EYS: variants seen among roughly 807,000 people sequenced by gnomAD.
EYS encodes EGF-like photoreceptor maintenance factor.
A neutral mutation model predicts 282.1 loss-of-function variants in EYS; 250 were observed. The ratio of observed to expected loss-of-function variants is 0.89; its 90% CI spans 0.80 to 0.98. The LOEUF (loss-of-function observed/expected upper bound fraction) is 0.98, where lower values mean the gene tolerates loss of function less well. Among genes scored for constraint, EYS ranks in the 50% least tolerant of loss-of-function variants. EYS has a pLI of 0.00. For synonymous variants in EYS, 1,355 were observed against 1,282.9 expected, an observed-to-expected ratio of 1.06 and a Z score of -1.20; for missense variants, 4,016 against 3,709.0, an observed-to-expected ratio of 1.08 and a Z score of -2.15.
At chr6:65,512,989 A>G (rs576352318) in intron 2 of EYS, among the ~76,000 whole-genome samples, 5 of 152,332 alleles carry the variant, frequency 3.3e-5, no homozygotes, top group African/African-American at 9.6e-5. Context: ...CAAAAAATTA[A>G]TGAATCCACA....
intron 26 of EYS, among the ~76,000 whole-genome samples, chr6:64,551,576 G>T (rs1217846347): frequency 5.2e-5 from 7 of 133,792 alleles, no homozygotes; most frequent in African/African-American, 2.0e-4. Flanking sequence ...CTGCTGTGTT[G>T]CCCAGGCTAG....
At chr6:65,500,336 T>A (rs1185993453) in intron 2 of EYS, among the ~76,000 whole-genome samples, 1 of 152,034 alleles carries the variant, frequency 6.6e-6, no homozygotes, top group East Asian at 1.9e-4. Flanking sequence ...GTATCTCAAA[T>A]TATCCTTGCA....
chr6:65,656,441 T>C (rs76110513), intron 1 of EYS, among the ~76,000 whole-genome samples: 1 of 151,912 alleles, frequency 6.6e-6, no homozygotes, highest in African/African-American at 2.4e-5. Flanking sequence ...AGTGAACGTA[T>C]GAATGATAAA....
intron 31 of EYS, among the ~76,000 whole-genome samples, chr6:64,221,884 GGT>G (rs996673341): frequency 2.2e-4 from 34 of 152,092 alleles, no homozygotes; most frequent in African/African-American, 7.0e-4. Flanking sequence ...TATTATTTGA[GGT>G]TTCAGGCATC....
chr6:64,256,095 A>C (rs1023750493), intron 30 of EYS, among the ~76,000 whole-genome samples: 1 of 152,068 alleles, frequency 6.6e-6, no homozygotes, highest in African/African-American at 2.4e-5. Flanking sequence ...TTCTCTAAGT[A>C]TCATGAATAT....
intron 41 of EYS, among the ~76,000 whole-genome samples, chr6:63,758,103 A>G (rs1769537948): frequency 2.0e-5 from 3 of 152,014 alleles, no homozygotes; most frequent in Non-Finnish European, 2.9e-5. Context: ...GGATTTTGCT[A>G]TGTTGCCCAG....
chr6:65,092,755 C>T (rs77007547), intron 12 of EYS, among the ~76,000 whole-genome samples: 3,900 of 152,184 alleles, frequency 0.026, 180 homozygotes, highest in African/African-American at 0.09. Context: ...GAAGATCTAA[C>T]ACAGGTCATT....
At chr6:64,990,424 T>A (rs1248755857) in intron 14 of EYS, among the ~76,000 whole-genome samples, 2 of 151,642 alleles carry the variant, frequency 1.3e-5, no homozygotes, top group Non-Finnish European at 3.0e-5. Context: ...ATGAGTCCCA[T>A]TTATAGTTAT....
At chr6:64,530,870 C>A (rs1393852446) in intron 26 of EYS, among the ~76,000 whole-genome samples, 2 of 152,050 alleles carry the variant, frequency 1.3e-5, no homozygotes, top group Non-Finnish European at 2.9e-5. Context: ...TGAGTACATC[C>A]TTTCCAGATC....
chr6:65,678,150 G>C (rs972630993), intron 1 of EYS, among the ~76,000 whole-genome samples: 4 of 151,950 alleles, frequency 2.6e-5, no homozygotes, highest in Non-Finnish European at 4.4e-5. Flanking sequence ...AGGGGATGTG[G>C]GGTACCACGC....
chr6:64,495,060 T>C (rs9451766), intron 26 of EYS, among the ~76,000 whole-genome samples: 3,258 of 151,796 alleles, frequency 0.021, 60 homozygotes, highest in African/African-American at 0.053. Context: ...ACATGTAAGG[T>C]AGCAGAAGTA....
chr6:64,263,325 A>G (rs1767650273), intron 30 of EYS, among the ~76,000 whole-genome samples: 1 of 152,048 alleles, frequency 6.6e-6, no homozygotes, highest in African/African-American at 2.4e-5. Context: ...ATTTTACTCA[A>G]ACTTCTGCGA....
intron 30 of EYS, among the ~76,000 whole-genome samples, chr6:64,271,178 T>C (rs1767930000): frequency 6.6e-6 from 1 of 152,176 alleles, no homozygotes; most frequent in Non-Finnish European, 1.5e-5. Flanking sequence ...AATTTCCAGG[T>C]ATATAAGATA....
chr6:65,570,579 A>T (rs1270341928), intron 2 of EYS, among the ~76,000 whole-genome samples: 1 of 152,014 alleles, frequency 6.6e-6, no homozygotes, highest in Non-Finnish European at 1.5e-5. Flanking sequence ...GGGGGTGAGA[A>T]CTCCTGCTGA....
At position 64,881,596 on chromosome 6, in the gene EYS, C is replaced by T. The variant is rs141546407; in HGVS notation, c.2992+5101G>A. 5.4e-3 allele frequency among the ~76,000 whole-genome samples: 816 copies of T among 151,758 alleles called. 4 individuals are homozygous for T. Among genetic ancestry groups the T allele is most frequent in the Non-Finnish European group, 9.8e-3 (661 of 67,756 alleles). ...CATAAGCTCCTTTAGGGTAGGGAAC[C>T]TTCTCTGTTATGTTCACCAGACTTT... On this transcript the variant is annotated intron_variant, in intron 19 of 42. Coordinates refer to ENST00000503581, the MANE Select transcript of EYS (RefSeq NM_001142800.2).
At chr6:64,149,503 G>C (rs754426407) in intron 31 of EYS, among the ~76,000 whole-genome samples, 29 of 152,294 alleles carry the variant, frequency 1.9e-4, no homozygotes, top group Middle Eastern at 6.8e-3. Context: ...AGGATAGGAA[G>C]TATCTACAAC....
intron 37 of EYS, among the ~76,000 whole-genome samples, chr6:63,800,545 T>C (rs1770757994): frequency 6.6e-6 from 1 of 152,222 alleles, no homozygotes; most frequent in Admixed American, 6.5e-5. Flanking sequence ...CTCACGCCTG[T>C]AATCCCAGCA....
intron 29 of EYS, among the ~76,000 whole-genome samples, chr6:64,319,708 T>C (rs201586559): frequency 5.0e-5 from 5 of 100,106 alleles, no homozygotes; most frequent in African/African-American, 1.1e-4. Context: ...GATGGATGGA[T>C]GGACGGATGG....
At chr6:64,211,343 A>G (rs1389141991) in intron 31 of EYS, among the ~76,000 whole-genome samples, 1 of 152,188 alleles carries the variant, frequency 6.6e-6, no homozygotes, top group Non-Finnish European at 1.5e-5. Context: ...AAGACAGTTG[A>G]TAGAAAAATA....
Sources: gnomAD v4.1 joint callset for allele counts (sites outside exome capture counted in the v4.1 genomes callset) on GRCh38, gnomAD v4.1.1 for gene constraint, MANE v1.5 for transcripts, NCBI Gene and HGNC (gene_info 2026-07-23, HGNC 2026-07-21) for gene names.